The following CSTPP1 variants were observed in gnomAD, a reference collection of about 807,000 sequenced individuals.
CSTPP1 encodes the protein UPF0705 protein C11orf49.
the CSTPP1 span, among the ~76,000 whole-genome samples, chr11:46,983,544 G>A: frequency 1.3e-5 from 2 of 152,104 alleles, no homozygotes; most frequent in Non-Finnish European, 2.9e-5. Context: ...TTTTCCAAGG[G>A]GCAGCTAAGG....
the CSTPP1 span, among the ~76,000 whole-genome samples, chr11:46,994,494 G>T: frequency 2.0e-5 from 3 of 152,174 alleles, no homozygotes; most frequent in Admixed American, 2.0e-4. Context: ...AAGGGCTGTT[G>T]AATTTTGTCA....
the CSTPP1 span, among the ~76,000 whole-genome samples, chr11:47,059,969 T>C: frequency 1.3e-5 from 2 of 151,736 alleles, no homozygotes; most frequent in African/African-American, 4.8e-5. Flanking sequence ...CTGGGTGTGG[T>C]GGTGCATGCC....
At chr11:47,152,887 T>C in the CSTPP1 span, among the ~76,000 whole-genome samples, 1 of 152,134 alleles carries the variant, frequency 6.6e-6, no homozygotes, top group African/African-American at 2.4e-5. Flanking sequence ...CGTAATTCAC[T>C]TTAGACTATT....
At chr11:47,057,801 A>C in the CSTPP1 span, among the ~76,000 whole-genome samples, 1 of 152,186 alleles carries the variant, frequency 6.6e-6, no homozygotes, top group African/African-American at 2.4e-5. Context: ...TGGGCCAAAC[A>C]ATTTCTGGAG....
At chr11:46,955,191 A>G in the CSTPP1 span, among the ~76,000 whole-genome samples, 2 of 152,188 alleles carry the variant, frequency 1.3e-5, no homozygotes, top group Non-Finnish European at 2.9e-5. Flanking sequence ...TACCACCTGC[A>G]TAAAAGTTCC....
chr11:47,094,807 G>A, the CSTPP1 span, among the ~76,000 whole-genome samples: 1 of 152,096 alleles, frequency 6.6e-6, no homozygotes, highest in African/African-American at 2.4e-5. Context: ...TGCTGTTCTG[G>A]ACAATGAACA....
At chr11:47,143,780 T>C in the CSTPP1 span, among the ~76,000 whole-genome samples, 1 of 152,240 alleles carries the variant, frequency 6.6e-6, no homozygotes, top group Non-Finnish European at 1.5e-5. Flanking sequence ...AAATCCTGGT[T>C]CCACAATATA....
the CSTPP1 span, chr11:47,157,124 C>T: frequency 6.6e-5 from 106 of 1,613,972 alleles, no homozygotes; most frequent in African/African-American, 1.6e-4. Flanking sequence ...GCACCGCCAA[C>T]GACCTGCCTT....
At chr11:47,060,188 G>A in the CSTPP1 span, among the ~76,000 whole-genome samples, 1 of 149,926 alleles carries the variant, frequency 6.7e-6, no homozygotes, top group East Asian at 2.0e-4. Flanking sequence ...GCGCTTATAA[G>A]TAGCACAGCT....
At chr11:47,064,978 G>A in the CSTPP1 span, among the ~76,000 whole-genome samples, 1 of 152,152 alleles carries the variant, frequency 6.6e-6, no homozygotes, top group Non-Finnish European at 1.5e-5. Context: ...TCCTGACCTT[G>A]TGATCCACCT....
the CSTPP1 span, among the ~76,000 whole-genome samples, chr11:47,158,497 G>A: frequency 6.6e-6 from 1 of 152,096 alleles, no homozygotes; most frequent in Admixed American, 6.6e-5. Context: ...CCTAAGAGAA[G>A]AGCCAGTAAG....
At chr11:46,949,292 A>G in the CSTPP1 span, among the ~76,000 whole-genome samples, 2 of 152,212 alleles carry the variant, frequency 1.3e-5, no homozygotes, top group African/African-American at 2.4e-5. Flanking sequence ...TTGATAGTCT[A>G]TGAACTACCA....
chr11:47,081,117 C>T, the CSTPP1 span, among the ~76,000 whole-genome samples: 1 of 151,572 alleles, frequency 6.6e-6, no homozygotes. Flanking sequence ...TATGGAAAGG[C>T]ATGGTATGTT....
At chr11:46,953,600 T>TA in the CSTPP1 span, among the ~76,000 whole-genome samples, 1 of 151,654 alleles carries the variant, frequency 6.6e-6, no homozygotes, top group Non-Finnish European at 1.5e-5. Context: ...ATTTGAGACC[T>TA]AAAAAAAAAT....
the CSTPP1 span, among the ~76,000 whole-genome samples, chr11:46,986,357 C>A: frequency 6.6e-6 from 1 of 151,456 alleles, no homozygotes; most frequent in East Asian, 1.9e-4. Flanking sequence ...TTGTTATTTA[C>A]CAAAGTTAAT....
At chr11:47,087,958 G>C in the CSTPP1 span, among the ~76,000 whole-genome samples, 2 of 152,156 alleles carry the variant, frequency 1.3e-5, no homozygotes, top group African/African-American at 4.8e-5. Flanking sequence ...CTGCTTCTAA[G>C]CTCAGTCATG....
At chr11:47,146,536 C>A in the CSTPP1 span, among the ~76,000 whole-genome samples, 2 of 152,154 alleles carry the variant, frequency 1.3e-5, no homozygotes, top group African/African-American at 4.8e-5. Flanking sequence ...AAACTCCCAA[C>A]TAAATTGAGA....
chr11:46,937,413 C>T, the CSTPP1 span, among the ~76,000 whole-genome samples: 1 of 152,102 alleles, frequency 6.6e-6, no homozygotes, highest in Non-Finnish European at 1.5e-5. Context: ...TTTGCCCACT[C>T]CAACAGAACT....
the CSTPP1 span, among the ~76,000 whole-genome samples, chr11:47,003,722 G>A: frequency 5.9e-5 from 9 of 152,206 alleles, no homozygotes; most frequent in Non-Finnish European, 1.2e-4. Flanking sequence ...CACAGTTCTA[G>A]TATTGCTGAG....
Sources: gnomAD v4.1 joint callset for allele counts (sites outside exome capture counted in the v4.1 genomes callset) on GRCh38, gnomAD v4.1.1 for gene constraint, MANE v1.5 for transcripts, NCBI Gene and HGNC (gene_info 2026-07-23, HGNC 2026-07-21) for gene names.